CS: variants seen among roughly 807,000 people sequenced by gnomAD.
CS encodes citrate synthase, mitochondrial.
In CS, 13 loss-of-function variants were observed where a neutral mutation model predicts 61.4. That is an observed-to-expected ratio of 0.21 (90% confidence interval 0.14 to 0.34). The LOEUF is 0.34. Ranked by LOEUF, CS falls within the 10% of genes least tolerant of loss-of-function variation. CS has a pLI of 1.00. For missense variants in CS, 278 were observed against 573.4 expected (o/e 0.48, Z 5.26); for synonymous variants, 159 against 215.2 (o/e 0.74, Z 2.29).
chr12:56,282,017 C>T lies in CS; in HGVS notation c.588+403G>A, dbSNP rs1229322302. ...GGGATTACAGGCGCCCGGCATCACG[C>T]CTGGCTAATTTTTGTATTTTTAGTA... On this transcript the variant is annotated intron_variant, in intron 6 of 10. Transcript: ENST00000351328. Among the ~76,000 whole-genome samples, 3 of 152,158 alleles carry T rather than the reference C, an allele frequency of 2.0e-5. No homozygotes were observed. The East Asian group carries it at 5.8e-4, about 29-fold the overall frequency.
intron 1 of CS, among the ~76,000 whole-genome samples, chr12:56,288,258 C>T (rs1310273913): frequency 2.0e-5 from 3 of 152,146 alleles, no homozygotes; most frequent in South Asian, 4.1e-4. Context: ...CCAGAGGCAC[C>T]TTTTCTAGTA....
At chr12:56,274,085 G>A (rs1872573351) in intron 9 of CS, 4 of 408,750 alleles carry the variant, frequency 9.8e-6, no homozygotes, top group Non-Finnish European at 1.4e-5. Context: ...AGGCTGAGGT[G>A]GGCAGATCAC....
intron 6 of CS, among the ~76,000 whole-genome samples, chr12:56,281,569 AT>A (rs1241996436): frequency 2.6e-5 from 4 of 152,190 alleles, no homozygotes; most frequent in Non-Finnish European, 5.9e-5. Context: ...AGTTTTCTGT[AT>A]TTGAAGAAGA....
chr12:56,278,340 C>A (rs987979505), intron 6 of CS, among the ~76,000 whole-genome samples: 1 of 152,078 alleles, frequency 6.6e-6, no homozygotes, highest in African/African-American at 2.4e-5. Flanking sequence ...ATTGGCCAGG[C>A]CGGTCTCAAA....
rs1230369617 is a variant in CS, at chr12:56,300,207, G to T, written c.-6C>A. 1.3e-6 allele frequency: 2 copies of T among 1,564,402 alleles called. No individual in the cohort carries two copies. The highest frequency in any genetic ancestry group is 2.7e-5 in the African/African-American group (2 of 73,044). ...GCCGCAGTAAGTAAAGCCATGGCGGGCGATCTCCGGGATCTGGTGGGGAGG... is the reference window on the plus strand; with the variant it reads ...GCCGCAGTAAGTAAAGCCATGGCGGTCGATCTCCGGGATCTGGTGGGGAGG... On this transcript the variant is annotated 5_prime_UTR_variant, in exon 1 of 11. Transcript: ENST00000351328.
chr12:56,285,275 C>T, intron 3 of CS: 1 of 444,888 alleles, frequency 2.2e-6, no homozygotes. Flanking sequence ...GTTGAGAAAT[C>T]ACTATCTTTC....
At position 56,275,063 on chromosome 12, in the gene CS, T is replaced by G. The variant is rs1592405247; in HGVS notation, c.857A>C (p.Tyr286Ser). 1 of 1,614,136 alleles carries G rather than the reference T, an allele frequency of 6.2e-7. No individual in the cohort carries two copies. The highest frequency in any genetic ancestry group is 1.3e-5 in the African/African-American group (1 of 75,024). Residue 286 changes from tyrosine (Y) to serine (S), a missense_variant, in exon 8 of 11, where the codon TAC (tyrosine) becomes TCC (serine). By Grantham distance (144) the Tyr-to-Ser change is moderately radical. Coordinates refer to ENST00000351328, the MANE Select transcript of CS (RefSeq NM_004077.3). ...GTTCATGGCTGCTGCAAAGGACAGG[T>G]AAGGGTCGGAAAGGGCACTGCCCAC... Reference protein sequence around the residue: ...HLVGSALSDPYLSFAAAMNGL... With the variant: ...HLVGSALSDPSLSFAAAMNGL...
Position 56,282,575 on chromosome 12 carries a change from C to T in CS, c.433G>A (p.Ala145Thr), listed in dbSNP as rs1285868712. 6.2e-7 allele frequency: 1 copy of T among 1,608,542 alleles called. No individual in the cohort carries two copies. Among genetic ancestry groups the T allele is most frequent in the Non-Finnish European group, 8.5e-7 (1 of 1,177,622 alleles). ...SWLSKEWAKR[A>T]ALPSHVVTML... ...GTGACCACATGGGAAGGCAGAGCTG[C>T]CCTCTTTGCCCACTCTTTTGAGAGC... is the stretch of plus-strand genomic sequence containing the variant. The change falls in exon 6 of 11, where the codon GCA (alanine) becomes ACA (threonine). Residue 145 changes from alanine to threonine, a missense_variant. This residue lies in a region of CS where 223 missense variants were observed against 503.5 expected (regional missense o/e 0.44). Coordinates refer to ENST00000351328, the MANE Select transcript of CS (RefSeq NM_004077.3).
At chr12:56,290,404 G>C (rs1242556948) in intron 1 of CS, among the ~76,000 whole-genome samples, 1 of 151,568 alleles carries the variant, frequency 6.6e-6, no homozygotes, top group Non-Finnish European at 1.5e-5. Flanking sequence ...GTAGAGATGG[G>C]GTTTCACTAT....
At chr12:56,282,234 C>G (rs1872797312) in intron 6 of CS, 186 bp downstream of exon 6, 3 of 487,868 alleles carry the variant, frequency 6.1e-6, no homozygotes, top group Non-Finnish European at 1.1e-5. Context: ...TGATAGAAAC[C>G]ATGCTCTACT....
chr12:56,286,633 G>A lies in CS; in HGVS notation c.55C>T (p.Leu19Phe). 6.2e-7 allele frequency: 1 copy of A among 1,614,002 alleles called. No individual in the cohort carries two copies. The highest frequency in any genetic ancestry group is 1.1e-5 in the South Asian group (1 of 91,068). The change falls in exon 2 of 11, where the codon CTT becomes TTT. Residue 19 changes from leucine to phenylalanine, a missense_variant. Physicochemically the swap from Leu to Phe is conservative, Grantham distance 22. This residue lies in a region of CS where 55 missense variants were observed against 69.9 expected (regional missense o/e 0.79). Coordinates refer to ENST00000351328, the MANE Select transcript of CS (RefSeq NM_004077.3). ...CTGGCATGCCGGGCTGCAAGAACAA[G>A]ACAAGATGCATTCTGCAAAGCAAAA... is the stretch of plus-strand genomic sequence containing the variant. The part of the protein sequence containing the change: ...RLLGTKNASC[L>F]VLAARHASAS...
chr12:56,295,393 T>C (rs2135926468), intron 1 of CS, among the ~76,000 whole-genome samples: 1 of 151,584 alleles, frequency 6.6e-6, no homozygotes, highest in East Asian at 2.0e-4. Context: ...TGGTGGCATG[T>C]GCCTGTAGTC....
intron 6 of CS, among the ~76,000 whole-genome samples, chr12:56,278,120 A>C (rs536801832): frequency 7.5e-4 from 114 of 152,180 alleles, no homozygotes; most frequent in Non-Finnish European, 1.3e-3. Context: ...CCTAGCTTAC[A>C]TTATTAACTC....
At chr12:56,279,912 G>A (rs1592407695) in intron 6 of CS, among the ~76,000 whole-genome samples, 1 of 147,096 alleles carries the variant, frequency 6.8e-6, no homozygotes, top group South Asian at 2.2e-4. Flanking sequence ...AGGTTGTGGT[G>A]AGCTGAGATT....
chr12:56,275,175 G>A (rs369920479), intron 7 of CS, 44 bp from the exon 8 acceptor site: 577 of 1,612,570 alleles, frequency 3.6e-4, no homozygotes, highest in South Asian at 3.8e-4. Flanking sequence ...GAAAGAAGGG[G>A]CAGATTATGG....
At chr12:56,297,658 T>G (rs992616420) in intron 1 of CS, among the ~76,000 whole-genome samples, 1 of 152,154 alleles carries the variant, frequency 6.6e-6, no homozygotes, top group Non-Finnish European at 1.5e-5. Context: ...GAGCGGAGAT[T>G]ACGCCACTGC....
intron 6 of CS, 25 bp from the exon 7 acceptor site, chr12:56,276,220 GAAA>G: frequency 1.9e-6 from 3 of 1,577,692 alleles, no homozygotes; most frequent in Non-Finnish European, 2.6e-6. Context: ...GCAAGATGGA[GAAA>G]AAAAAAGGAA....
At chr12:56,280,744 C>T (rs570508568) in intron 6 of CS, among the ~76,000 whole-genome samples, 12 of 152,060 alleles carry the variant, frequency 7.9e-5, no homozygotes, top group African/African-American at 2.2e-4. Context: ...AAATGAAAAA[C>T]AAAATATTAA....
chr12:56,297,392 C>G (rs1873337735), intron 1 of CS, among the ~76,000 whole-genome samples: 1 of 152,166 alleles, frequency 6.6e-6, no homozygotes, highest in Non-Finnish European at 1.5e-5. Flanking sequence ...GAATTAGCTT[C>G]TAACTCAGGT....
Sources: allele counts gnomAD v4.1 joint callset (sites outside exome capture counted in the v4.1 genomes callset), GRCh38; gene constraint gnomAD v4.1.1; regional missense constraint gnomAD v4.1.1; transcripts MANE v1.5; gene names NCBI Gene and HGNC (gene_info 2026-07-23, HGNC 2026-07-21).